The following THSD4 variants were observed in gnomAD, a reference collection of about 807,000 sequenced individuals.
THSD4 encodes the protein thrombospondin type 1 domain containing 4, also known as thrombospondin type-1 domain-containing protein 4.
In THSD4, 69 loss-of-function variants were observed where a neutral mutation model predicts 119.0. The observed-to-expected ratio is 0.58, with a 90% CI of 0.48 to 0.71. The LOEUF is 0.71. Among genes scored for constraint, THSD4 ranks in the 30% least tolerant of loss-of-function variants. The pLI is 0.00. For missense variants in THSD4, 1,393 were observed against 1,391.1 expected, an observed-to-expected ratio of 1.00 and a Z score of -0.02; for synonymous variants, 524 against 540.4, an observed-to-expected ratio of 0.97 and a Z score of 0.42.
intron 11 of THSD4, among the ~76,000 whole-genome samples, chr15:71,741,369 T>C (rs1318842080): frequency 2.0e-5 from 3 of 152,050 alleles, no homozygotes; most frequent in Admixed American, 1.3e-4. Flanking sequence ...GATGCATGCA[T>C]GTAATCCCAG....
rs10163028 is a variant in THSD4 at position 71,476,361 on chromosome 15, A to T, written c.1152+64538A>T. Among the ~76,000 whole-genome samples the T allele has an allele frequency of 2.6e-5, 4 of 152,186 alleles. No homozygotes were observed. The South Asian group carries it at 8.3e-4, about 32-fold the overall frequency. On this transcript the variant is annotated intron_variant, in intron 7 of 17. Coordinates refer to ENST00000261862, the MANE Select transcript of THSD4 (RefSeq NM_024817.3). ...ATTCTCCTGCCTCAGCCTCCAGAGT[A>T]GTTGGGATTACTAGTAGCGGGAGGC...
chr15:71,414,972 T>C (rs1234173432), intron 7 of THSD4, among the ~76,000 whole-genome samples: 1 of 152,256 alleles, frequency 6.6e-6, no homozygotes, highest in Non-Finnish European at 1.5e-5. Context: ...AACTTCTGTT[T>C]ACTTTGCAGC....
At chr15:71,573,797 C>A (rs2049401284) in intron 7 of THSD4, among the ~76,000 whole-genome samples, 1 of 152,192 alleles carries the variant, frequency 6.6e-6, no homozygotes, top group East Asian at 1.9e-4. Context: ...TGATTTCCTG[C>A]AGCCTCACTA....
At chr15:71,416,568 G>A (rs1464724216) in intron 7 of THSD4, among the ~76,000 whole-genome samples, 1 of 108,000 alleles carries the variant, frequency 9.3e-6, no homozygotes, top group African/African-American at 3.2e-5. Flanking sequence ...TTGTAGTTTG[G>A]ATTTGCATTT....
At chr15:71,564,179 C>T (rs1379959319) in intron 7 of THSD4, among the ~76,000 whole-genome samples, 1 of 152,146 alleles carries the variant, frequency 6.6e-6, no homozygotes, top group African/African-American at 2.4e-5. Context: ...AGGTAAGATG[C>T]CCTATTCCTG....
chr15:71,113,894 G>A (rs2040327102), upstream of THSD4: 1 of 151,460 alleles, frequency 6.6e-6, no homozygotes, highest in Admixed American at 6.6e-5. Flanking sequence ...ATAATTCAGT[G>A]ACATTAAGTA....
rs546378037 is a variant in THSD4 at position 71,624,390 on chromosome 15, T to C, written c.1153-36140T>C. Among the ~76,000 whole-genome samples the C allele has an allele frequency of 3.3e-5, 5 of 152,354 alleles. No homozygotes were observed. The East Asian group carries it at 9.6e-4, about 29-fold the overall frequency. On this transcript the variant is annotated intron_variant, in intron 7 of 17. Coordinates refer to ENST00000261862, the MANE Select transcript of THSD4 (RefSeq NM_024817.3). ...CATGTTATATATTTGAATTATTTAATCTTCAATTTGTAAACACTTTAAATC... is the reference window on the plus strand; with the variant it reads ...CATGTTATATATTTGAATTATTTAACCTTCAATTTGTAAACACTTTAAATC...
At chr15:71,383,916 G>T (rs1178185904) in intron 6 of THSD4, among the ~76,000 whole-genome samples, 3 of 152,172 alleles carry the variant, frequency 2.0e-5, no homozygotes, top group Non-Finnish European at 4.4e-5. Flanking sequence ...TTGATCATCT[G>T]CAGATTTTAC....
At chr15:71,137,356 C>T (rs2040560918) in intron 1 of THSD4, among the ~76,000 whole-genome samples, 1 of 152,062 alleles carries the variant, frequency 6.6e-6, no homozygotes, top group Non-Finnish European at 1.5e-5. Context: ...CCTTTCAGGG[C>T]CTGAGATAAT....
intron 7 of THSD4, among the ~76,000 whole-genome samples, chr15:71,529,311 G>A (rs978667594): frequency 6.6e-5 from 10 of 152,298 alleles, no homozygotes; most frequent in South Asian, 2.1e-4. Context: ...TTGCCTTAAC[G>A]AATAAACTTG....
intron 1 of THSD4, among the ~76,000 whole-genome samples, chr15:71,119,359 T>G (rs2040389834): frequency 6.6e-6 from 1 of 152,190 alleles, no homozygotes; most frequent in Admixed American, 6.5e-5. Flanking sequence ...CCTCAGGCGA[T>G]TCTTCCGCAC....
At chr15:71,492,140 A>G (rs2047929220) in intron 7 of THSD4, among the ~76,000 whole-genome samples, 1 of 150,624 alleles carries the variant, frequency 6.6e-6, no homozygotes, top group Admixed American at 6.6e-5. Context: ...TGGATGTTTT[A>G]CACTTGATGT....
chr15:71,660,981 C>G (rs1261798060), intron 8 of THSD4, among the ~76,000 whole-genome samples: 1 of 152,162 alleles, frequency 6.6e-6, no homozygotes, highest in Non-Finnish European at 1.5e-5. Flanking sequence ...CTTTGCTTTT[C>G]CCAAGAGAAA....
chr15:71,269,332 G>T (rs987407474), intron 6 of THSD4, among the ~76,000 whole-genome samples: 2 of 152,064 alleles, frequency 1.3e-5, no homozygotes, highest in Non-Finnish European at 2.9e-5. Context: ...CACATAAAGA[G>T]AACCAATGAC....
intron 6 of THSD4, among the ~76,000 whole-genome samples, chr15:71,271,999 A>C (rs970442564): frequency 6.6e-6 from 1 of 152,204 alleles, no homozygotes; most frequent in African/African-American, 2.4e-5. Context: ...GTGAAAAGAC[A>C]ACCCACAGAT....
intron 7 of THSD4, among the ~76,000 whole-genome samples, chr15:71,620,812 G>A (rs1438911804): frequency 1.3e-5 from 2 of 152,066 alleles, no homozygotes; most frequent in African/African-American, 4.8e-5. Flanking sequence ...TCTTAGTAGT[G>A]GAGACATGTC....
intron 16 of THSD4, among the ~76,000 whole-genome samples, chr15:71,770,723 G>T (rs1159473420): frequency 6.6e-6 from 1 of 152,198 alleles, no homozygotes; most frequent in South Asian, 2.1e-4. Context: ...ATATTGAAGA[G>T]AATAAGAAAT....
At chr15:71,628,572 A>C (rs898439187) in intron 7 of THSD4, among the ~76,000 whole-genome samples, 2 of 152,236 alleles carry the variant, frequency 1.3e-5, no homozygotes, top group Non-Finnish European at 2.9e-5. Flanking sequence ...GTTAAAATGC[A>C]GATTCCTCTT....
intron 3 of THSD4, among the ~76,000 whole-genome samples, chr15:71,196,324 A>G (rs1424314277): frequency 3.3e-5 from 5 of 152,346 alleles, no homozygotes; most frequent in African/African-American, 1.2e-4. Context: ...CCCAGAGCTT[A>G]TAAATCACAG....
Sources: allele counts gnomAD v4.1 joint callset (sites outside exome capture counted in the v4.1 genomes callset), GRCh38; gene constraint gnomAD v4.1.1; transcripts MANE v1.5; gene names NCBI Gene and HGNC (gene_info 2026-07-23, HGNC 2026-07-21).